The following SLC4A3 variants were observed in gnomAD, a reference collection of about 807,000 sequenced individuals.
The protein encoded by SLC4A3 is solute carrier family 4 member 3.
Under a neutral mutation model 114.2 loss-of-function variants are expected in SLC4A3, and 47 were observed. The ratio of observed to expected loss-of-function variants is 0.41; its 90% CI spans 0.33 to 0.52. The LOEUF is 0.52. Among genes scored for constraint, SLC4A3 ranks in the 20% least tolerant of loss-of-function variants. SLC4A3 has a pLI of 0.21. For missense variants in SLC4A3, 1,312 were observed against 1,668.3 expected (o/e 0.79, Z 3.72); for synonymous variants, 693 against 710.3 (o/e 0.98, Z 0.39).
At position 219,639,543 on chromosome 2, in the gene SLC4A3, C is replaced by T. The variant is rs573318684; in HGVS notation, c.3085C>T (p.Leu1029Phe). 6.2e-7 allele frequency: 1 copy of T among 1,614,120 alleles called. No homozygotes were observed. Among genetic ancestry groups the T allele is most frequent in the South Asian group, 1.1e-5 (1 of 91,086 alleles). Residue 1029 changes from leucine to phenylalanine, a missense_variant, in exon 20 of 23, where the codon CTC (leucine) becomes TTC (phenylalanine). Leu to Phe is a conservative substitution (Grantham distance 22, BLOSUM62 0). Around this residue, in one of 4 missense-constraint regions of SLC4A3, gnomAD observed 301 missense variants for 460.7 expected, o/e 0.65. Transcript: ENST00000358055. The surrounding 1 kb of genome is among the most constrained non-coding windows in gnomAD (Gnocchi z 5.9). ...LKGSGFHLDL[L>F]LIGSLGGLCG... ...GGGCTCCGGTTTCCACCTGGACCTG[C>T]TCCTCATTGGCTCCCTGGGGGGGCT... is the stretch of plus-strand genomic sequence containing the variant.
Position 219,636,193 on chromosome 2 carries a change from T to C in SLC4A3, c.2192-109T>C, listed in dbSNP as rs1699111252. The C allele has an allele frequency of 7.7e-7, 1 of 1,301,532 alleles. No homozygotes were observed. The highest frequency in any genetic ancestry group is 1.3e-5 in the South Asian group (1 of 79,402). 80.6% of individuals were successfully genotyped at this position (1,301,532 alleles called of 1,614,324 possible). ...ATGGAAGGGGCCCTGTGTGTCACTC[T>C]AAGGGGCTGCTCTGCTTTTGTTGGG... is the stretch of plus-strand genomic sequence containing the variant. On this transcript the variant is annotated intron_variant, in intron 14 of 22. Coordinates refer to ENST00000358055, the MANE Select transcript of SLC4A3 (RefSeq NM_005070.4). The surrounding 1 kb of genome is among the most constrained non-coding windows in gnomAD (Gnocchi z 5.5).
rs926920660 is a variant in SLC4A3, at chr2:219,637,296, G to T, written c.2536-285G>T. Among the ~76,000 whole-genome samples, 3 of 151,354 alleles carry T rather than the reference G, an allele frequency of 2.0e-5. No homozygotes were observed. Among genetic ancestry groups the T allele is most frequent in the Non-Finnish European group, 4.4e-5 (3 of 67,788 alleles). The stretch of plus-strand genomic sequence containing the variant: ...GTGTGTGTGCCTGTGTGTGCATGTT[G>T]TGTGTGTTGTGTGTATGTATGTTGT... On this transcript the variant is annotated intron_variant, in intron 16 of 22. Transcript: ENST00000358055. The surrounding 1 kb of genome is among the most constrained non-coding windows in gnomAD (Gnocchi z 4.6).
Position 219,632,838 on chromosome 2 carries a change from G to T in SLC4A3, c.1142-36G>T, listed in dbSNP as rs373118867. 115 of 1,611,262 alleles carry T rather than the reference G, an allele frequency of 7.1e-5. 1 individual carries two copies. Among genetic ancestry groups the T allele is most frequent in the South Asian group, 3.2e-4 (29 of 90,994 alleles). On this transcript the variant is annotated intron_variant, in intron 8 of 22. Transcript: ENST00000358055. ...GGGAGGAGATTTTTCCTGTCTGATG[G>T]GACTGTGCCCTCTCTGTGCCTGACT...
chr2:219,631,923 G>T lies in SLC4A3; in HGVS notation c.812-45G>T, dbSNP rs550624927. ...AAGGAGCTGGGCCGTGACCCCGAGGGCCCCAGCTGGACCTGTGGGACCCCC... is the reference window on the plus strand; with the variant it reads ...AAGGAGCTGGGCCGTGACCCCGAGGTCCCCAGCTGGACCTGTGGGACCCCC... On this transcript the variant is annotated intron_variant, in intron 6 of 22. Transcript: ENST00000358055. The surrounding 1 kb of genome is among the most constrained non-coding windows in gnomAD (Gnocchi z 6.3). 1 of 1,538,442 alleles carries T rather than the reference G, an allele frequency of 6.5e-7. No homozygotes were observed. Among genetic ancestry groups the T allele is most frequent in the East Asian group, 2.3e-5 (1 of 44,180 alleles).
intron 14 of SLC4A3, 68 bp downstream of exon 14, chr2:219,635,959 G>T: frequency 7.8e-7 from 1 of 1,282,034 alleles, no homozygotes; most frequent in Non-Finnish European, 1.0e-6. Context: ...GTCACTTGCA[G>T]GATTCTGGGT....
Position 219,636,390 on chromosome 2 carries a change from G to A in SLC4A3, c.2280G>A (p.Gln760=), listed in dbSNP as rs1333512176. The change falls in exon 15 of 23, where the codon CAG becomes CAA. Residue 760 remains glutamine, a synonymous_variant. Coordinates refer to ENST00000358055, the MANE Select transcript of SLC4A3 (RefSeq NM_005070.4). The surrounding 1 kb of genome is among the most constrained non-coding windows in gnomAD (Gnocchi z 5.5). ...LGVLFSLLGA[Q]PLLVVGFSGP... ...TCCTCTTCTCTCTGCTGGGAGCTCAGCCGCTGCTTGTGGTTGGCTTCTCTG... is the reference window on the plus strand; with the variant it reads ...TCCTCTTCTCTCTGCTGGGAGCTCAACCGCTGCTTGTGGTTGGCTTCTCTG... The A allele has an allele frequency of 1.2e-6, 2 of 1,613,328 alleles. No homozygotes were observed. Among genetic ancestry groups the A allele is most frequent in the South Asian group, 1.1e-5 (1 of 91,006 alleles).
chr2:219,641,003 T>C lies in SLC4A3; in HGVS notation c.3621+41T>C, dbSNP rs1185692589. 6.4e-7 allele frequency: 1 copy of C among 1,573,780 alleles called. No individual in the cohort carries two copies. Among genetic ancestry groups the C allele is most frequent in the Admixed American group, 1.7e-5 (1 of 58,440 alleles). ...TCTGGGGAAACAGTGTTAGGGCAAA[T>C]GGGCACTGGGTTCCAATCTCTGTTT... On this transcript the variant is annotated intron_variant, in intron 22 of 22. Transcript: ENST00000358055. The surrounding 1 kb of genome is among the most constrained non-coding windows in gnomAD (Gnocchi z 4.0).
intron 9 of SLC4A3, 63 bp from the exon 10 acceptor site, chr2:219,633,211 A>G: frequency 6.8e-7 from 1 of 1,465,676 alleles, no homozygotes. Context: ...TCCACTACTC[A>G]CCTCATGACC....
At chr2:219,634,784 G>T (rs954770014) in intron 12 of SLC4A3, among the ~76,000 whole-genome samples, 180 bp downstream of exon 12, 1 of 152,166 alleles carries the variant, frequency 6.6e-6, no homozygotes. Flanking sequence ...CTTGGGCTGT[G>T]GCTGTGGGAG....
intron 12 of SLC4A3, 95 bp from the exon 13 acceptor site, chr2:219,635,176 G>A (rs936913203): frequency 1.1e-6 from 1 of 919,080 alleles, no homozygotes; most frequent in South Asian, 1.5e-5. Flanking sequence ...TGTCCACCCT[G>A]CCTGTAGCTC....
Position 219,633,910 on chromosome 2 carries a change from C to G in SLC4A3, c.1492C>G (p.His498Asp). 2 of 1,560,794 alleles carry G rather than the reference C, an allele frequency of 1.3e-6. No homozygotes were observed. The highest frequency in any genetic ancestry group is 1.7e-6 in the Non-Finnish European group (2 of 1,151,714). ...CCTCCACATGCCTGGGGGAGATGGT[C>G]ACCGGGGGAAAAGCCTGAAGCTGCT... ...KPLHMPGGDG[H>D]RGKSLKLLEK... The change falls in exon 11 of 23, where the codon CAC (histidine) becomes GAC (aspartate). Residue 498 changes from histidine (H) to aspartate (D), a missense_variant. His to Asp is a moderately conservative substitution (Grantham distance 81). Coordinates refer to ENST00000358055, the MANE Select transcript of SLC4A3 (RefSeq NM_005070.4).
rs529095676 is a variant in SLC4A3 at position 219,641,904 on chromosome 2, G to A, written c.*176G>A. The A allele has an allele frequency of 2.2e-5, 13 of 590,850 alleles. No homozygotes were observed. The highest frequency in any genetic ancestry group is 1.1e-4 in the African/African-American group (6 of 53,640). 36.6% of individuals were successfully genotyped at this position (590,850 alleles called of 1,614,324 possible). On this transcript the variant is annotated 3_prime_UTR_variant, in exon 23 of 23. Coordinates refer to ENST00000358055, the MANE Select transcript of SLC4A3 (RefSeq NM_005070.4). This position sits in a 1 kb window ranked among gnomAD's most constrained non-coding sequence, Gnocchi z 4.0. ...GACTTCTGCCCGGGGTGTTGACCTCGCCTCACCTTTCACAGACCAGACCGG... is the reference window on the plus strand; with the variant it reads ...GACTTCTGCCCGGGGTGTTGACCTCACCTCACCTTTCACAGACCAGACCGG...
At chr2:219,629,830 A>AGGGGGGGGGGGGGGGG in intron 5 of SLC4A3, 135 bp downstream of exon 5, 1 of 144,390 alleles carries the variant, frequency 6.9e-6, no homozygotes, top group South Asian at 7.0e-5. Context: ...AGGGTGTGGG[A>AGGGGGGGGGGGGGGGG]GGGGGGTGGG....
At position 219,638,388 on chromosome 2, in the gene SLC4A3, G is replaced by A. The variant is rs551034898; in HGVS notation, c.2856+135G>A. ...TCCCAGTGGAGTGGCCGCCCTGGGGGCTGAGGGCCTTCCCCAGGGAGCCTG... is the reference window on the plus strand; with the variant it reads ...TCCCAGTGGAGTGGCCGCCCTGGGGACTGAGGGCCTTCCCCAGGGAGCCTG... On this transcript the variant is annotated intron_variant, in intron 18 of 22. Coordinates refer to ENST00000358055, the MANE Select transcript of SLC4A3 (RefSeq NM_005070.4). The surrounding 1 kb of genome is among the most constrained non-coding windows in gnomAD (Gnocchi z 7.5). 9 of 724,188 alleles carry A rather than the reference G, an allele frequency of 1.2e-5. No homozygotes were observed. Among genetic ancestry groups the A allele is most frequent in the Non-Finnish European group, 2.1e-5 (9 of 427,330 alleles). 44.9% of individuals were successfully genotyped at this position (724,188 alleles called of 1,614,324 possible). A position where few individuals can be genotyped will look rare whatever the true frequency, so the allele number is the denominator to read the frequency against.
At position 219,633,995 on chromosome 2, in the gene SLC4A3, C is replaced by T. The variant is rs184246809; in HGVS notation, c.1561+16C>T. The stretch of plus-strand genomic sequence containing the variant: ...GTGCTTGTGGGTGAGGAGGGCCGGG[C>T]GCCGGGGGCAGGGTCTGCAGTGTGT... On this transcript the variant is annotated intron_variant, in intron 11 of 22. Transcript: ENST00000358055. The T allele has an allele frequency of 6.4e-4, 979 of 1,540,440 alleles. 14 individuals carry two copies. The South Asian group carries it at 0.01, about 16-fold the overall frequency.
Position 219,635,807 on chromosome 2 carries a change from G to T in SLC4A3, c.2107G>T (p.Ala703Ser), listed in dbSNP as rs1351154956. Residue 703 changes from alanine to serine, a missense_variant, in exon 14 of 23, where the codon GCG (alanine) becomes TCG (serine). Ala to Ser is a moderately conservative substitution (Grantham distance 99, BLOSUM62 1). Around this residue, in one of 4 missense-constraint regions of SLC4A3, gnomAD observed 771 missense variants for 977.7 expected, o/e 0.79. Coordinates refer to ENST00000358055, the MANE Select transcript of SLC4A3 (RefSeq NM_005070.4). ...YPHYPSDLRDALHSQCVAAVL... is the reference protein window; with the variant it reads ...YPHYPSDLRDSLHSQCVAAVL... ...GCACTACCCCAGTGACCTGCGAGATGCGCTGCACTCCCAGTGTGTGGCCGC... is the reference window on the plus strand; with the variant it reads ...GCACTACCCCAGTGACCTGCGAGATTCGCTGCACTCCCAGTGTGTGGCCGC... The T allele has an allele frequency of 6.3e-7, 1 of 1,593,850 alleles. No individual in the cohort carries two copies. The highest frequency in any genetic ancestry group is 1.1e-5 in the South Asian group (1 of 87,462).
Position 219,636,315 on chromosome 2 carries a change from G to C in SLC4A3, c.2205G>C (p.Glu735Asp). The C allele has an allele frequency of 6.2e-7, 1 of 1,613,746 alleles. No individual in the cohort carries two copies. Among genetic ancestry groups the C allele is most frequent in the Non-Finnish European group, 8.5e-7 (1 of 1,179,936 alleles). ...GTGCTATGGCAGGAGAGAAGACCGA[G>C]GGGCTGATGGGCGTGTCCGAGCTGA... ...TFGGLLGEKT[E>D]GLMGVSELIV... is the part of the protein sequence containing the mutation. Residue 735 changes from glutamate (E) to aspartate (D), a missense_variant, in exon 15 of 23, where the codon GAG becomes GAC. Around this residue, in one of 4 missense-constraint regions of SLC4A3, gnomAD observed 771 missense variants for 977.7 expected, o/e 0.79. Coordinates refer to ENST00000358055, the MANE Select transcript of SLC4A3 (RefSeq NM_005070.4). This position sits in a 1 kb window ranked among gnomAD's most constrained non-coding sequence, Gnocchi z 5.5.
rs544674236 is a variant in SLC4A3 at position 219,631,525 on chromosome 2, G to A, written c.812-443G>A. On this transcript the variant is annotated intron_variant, in intron 6 of 22. Coordinates refer to ENST00000358055, the MANE Select transcript of SLC4A3 (RefSeq NM_005070.4). The surrounding 1 kb of genome is among the most constrained non-coding windows in gnomAD (Gnocchi z 6.3). Reference sequence around the variant, plus strand: ...GGGTGGGGCAGACAGGAGGAAGGGAGCGAAGCCCTGCCTGAGTCTACTGGG... The same window carrying A: ...GGGTGGGGCAGACAGGAGGAAGGGAACGAAGCCCTGCCTGAGTCTACTGGG... 11 of 1,251,094 alleles carry A rather than the reference G, an allele frequency of 8.8e-6. No individual in the cohort carries two copies. Among genetic ancestry groups the A allele is most frequent in the Middle Eastern group, 2.2e-4 (1 of 4,492 alleles). 77.5% of individuals were successfully genotyped at this position (1,251,094 alleles called of 1,614,324 possible).
At position 219,632,245 on chromosome 2, in the gene SLC4A3, T is replaced by A. The variant is rs375271780; in HGVS notation, c.961-17T>A. 1.4e-5 allele frequency: 23 copies of A among 1,613,826 alleles called. No individual in the cohort carries two copies. In the African/African-American group the frequency reaches 3.1e-4, roughly 22 times the overall value. ...ACCTGTTGGCCCCTGGGCCCTCACC[T>A]TTGGCACGCCCCCCAGGTGTTCGTG... is the stretch of plus-strand genomic sequence containing the variant. On this transcript the variant is annotated splice_polypyrimidine_tract_variant and intron_variant, in intron 7 of 22. Coordinates refer to ENST00000358055, the MANE Select transcript of SLC4A3 (RefSeq NM_005070.4).
Sources: allele counts gnomAD v4.1 joint callset (sites outside exome capture counted in the v4.1 genomes callset), GRCh38; gene constraint gnomAD v4.1.1; regional missense constraint gnomAD v4.1.1; non-coding constraint Gnocchi (gnomAD v3.1); transcripts MANE v1.5; gene names NCBI Gene and HGNC (gene_info 2026-07-23, HGNC 2026-07-21).